PABPC4L: variants seen among roughly 807,000 people sequenced by gnomAD.
The protein encoded by PABPC4L is polyadenylate-binding protein 4-like.
For missense variants in PABPC4L, 452 were observed against 451.4 expected (o/e 1.00, Z -0.01); for synonymous variants, 169 against 164.1 (o/e 1.03, Z -0.23).
At chr4:134,051,057 A>G in the PABPC4L span, among the ~76,000 whole-genome samples, 3 of 152,124 alleles carry the variant, frequency 2.0e-5, no homozygotes, top group Admixed American at 6.6e-5. Flanking sequence ...TAAGTCTCTA[A>G]TTATTAAAGG....
the PABPC4L span, among the ~76,000 whole-genome samples, chr4:134,016,463 C>T: frequency 1.3e-5 from 2 of 152,270 alleles, no homozygotes; most frequent in East Asian, 1.9e-4. Flanking sequence ...CAGATGCCAT[C>T]GCTCAGGACA....
At chr4:134,182,970 G>GTAT in the PABPC4L span, among the ~76,000 whole-genome samples, 1 of 151,962 alleles carries the variant, frequency 6.6e-6, no homozygotes, top group Non-Finnish European at 1.5e-5. Flanking sequence ...ATGTTTGTGA[G>GTAT]GCTGTGGAGA....
chr4:134,156,395 A>G, the PABPC4L span, among the ~76,000 whole-genome samples: 1 of 151,900 alleles, frequency 6.6e-6, no homozygotes, highest in African/African-American at 2.4e-5. Flanking sequence ...ATCTACTGTC[A>G]CTTGACAACA....
At chr4:134,110,070 T>C in the PABPC4L span, among the ~76,000 whole-genome samples, 3 of 152,064 alleles carry the variant, frequency 2.0e-5, no homozygotes, top group Admixed American at 2.0e-4. Context: ...CTTGCTTTTC[T>C]ACCTGAGGAA....
the PABPC4L span, among the ~76,000 whole-genome samples, chr4:133,950,767 T>C: frequency 2.6e-5 from 4 of 152,210 alleles, no homozygotes; most frequent in South Asian, 8.3e-4. Flanking sequence ...CATAAGCCTA[T>C]TGACTACAAC....
Position 134,197,226 on chromosome 4 carries a change from T to G in PABPC4L, c.*2681A>C, listed in dbSNP as rs973392788. ...CATATGCCAACTCTAATTCATTGGC[T>G]CTCTGAATCAAGTATTTACCAAAAT... On this transcript the variant is annotated 3_prime_UTR_variant, in exon 2 of 2. Coordinates refer to ENST00000421491, the MANE Select transcript of PABPC4L (RefSeq NM_001114734.2). 2.0e-5 allele frequency: 3 copies of G among 151,688 alleles called. No individual in the cohort carries two copies. The highest frequency in any genetic ancestry group is 7.2e-5 in the African/African-American group (3 of 41,410). 9.4% of individuals were successfully genotyped at this position (151,688 alleles called of 1,614,324 possible).
chr4:134,164,626 T>C, the PABPC4L span, among the ~76,000 whole-genome samples: 1 of 152,162 alleles, frequency 6.6e-6, no homozygotes, highest in Non-Finnish European at 1.5e-5. Context: ...AATCATCTTC[T>C]ATACAAACGA....
chr4:134,067,329 A>C, the PABPC4L span, among the ~76,000 whole-genome samples: 1 of 152,148 alleles, frequency 6.6e-6, no homozygotes, highest in Admixed American at 6.6e-5. Context: ...AGAGATGTTC[A>C]TAATTGTCTC....
chr4:133,990,483 C>G, the PABPC4L span, among the ~76,000 whole-genome samples: 1 of 152,108 alleles, frequency 6.6e-6, no homozygotes, highest in Non-Finnish European at 1.5e-5. Context: ...CTAAGTGCTG[C>G]CAAATCTGTC....
chr4:134,153,693 G>T, the PABPC4L span, among the ~76,000 whole-genome samples: 1 of 151,502 alleles, frequency 6.6e-6, no homozygotes, highest in South Asian at 2.1e-4. Context: ...TGTAGTCCAT[G>T]CTGGGGTGCA....
the PABPC4L span, among the ~76,000 whole-genome samples, chr4:133,975,511 A>C: frequency 1.3e-5 from 2 of 152,288 alleles, no homozygotes; most frequent in African/African-American, 4.8e-5. Flanking sequence ...TAAATTTGCT[A>C]TAATAAAATT....
At chr4:134,122,068 T>C in the PABPC4L span, among the ~76,000 whole-genome samples, 20 of 151,824 alleles carry the variant, frequency 1.3e-4, no homozygotes, top group African/African-American at 4.1e-4. Context: ...AGCAATATGT[T>C]TGGATTGACA....
chr4:134,097,824 G>A, the PABPC4L span, among the ~76,000 whole-genome samples: 1 of 151,794 alleles, frequency 6.6e-6, no homozygotes, highest in Admixed American at 6.6e-5. Context: ...GCAACCTCAT[G>A]ATTTATCTTA....
chr4:134,081,490 A>G, the PABPC4L span, among the ~76,000 whole-genome samples: 4 of 152,034 alleles, frequency 2.6e-5, no homozygotes, highest in African/African-American at 7.3e-5. Context: ...GTCCACAGCA[A>G]TGAAGTAAGA....
the PABPC4L span, among the ~76,000 whole-genome samples, chr4:134,183,447 G>C: frequency 0.023 from 3,472 of 151,606 alleles, 72 homozygotes; most frequent in Admixed American, 0.038. Context: ...CAGACACGGG[G>C]GCCTACTTGA....
chr4:134,006,652 A>T, the PABPC4L span, among the ~76,000 whole-genome samples: 24 of 151,882 alleles, frequency 1.6e-4, no homozygotes, highest in Non-Finnish European at 2.9e-4. Flanking sequence ...AAGGGTAGGC[A>T]GGCTTCTCTG....
the PABPC4L span, among the ~76,000 whole-genome samples, chr4:134,089,278 T>C: frequency 6.6e-6 from 1 of 152,142 alleles, no homozygotes; most frequent in South Asian, 2.1e-4. Flanking sequence ...TTTAAAGCAA[T>C]ATTGAACAGA....
the PABPC4L span, among the ~76,000 whole-genome samples, chr4:134,008,753 C>A: frequency 6.6e-6 from 1 of 151,478 alleles, no homozygotes; most frequent in African/African-American, 2.4e-5. Context: ...CTTTTTGAAC[C>A]AGTAATTTCA....
the PABPC4L span, among the ~76,000 whole-genome samples, chr4:133,999,425 T>C: frequency 6.6e-6 from 1 of 152,112 alleles, no homozygotes; most frequent in Non-Finnish European, 1.5e-5. Flanking sequence ...TTGTTATTAT[T>C]GTGTTGTTTG....
Sources: gnomAD v4.1 joint callset for allele counts (sites outside exome capture counted in the v4.1 genomes callset) on GRCh38, gnomAD v4.1.1 for gene constraint, MANE v1.5 for transcripts, NCBI Gene and HGNC (gene_info 2026-07-23, HGNC 2026-07-21) for gene names.